TMEM9: variants seen among roughly 807,000 people sequenced by gnomAD.
TMEM9 encodes transmembrane protein 9.
A neutral mutation model predicts 22.8 loss-of-function variants in TMEM9; 13 were observed. That is an observed-to-expected ratio of 0.57 (90% confidence interval 0.37 to 0.91). The LOEUF (loss-of-function observed/expected upper bound fraction) is 0.91, where lower values mean the gene tolerates loss of function less well. Ranked by LOEUF, TMEM9 falls within the 40% of genes least tolerant of loss-of-function variation. The probability of loss-of-function intolerance (pLI) is 0.01; values close to 1 mark genes in which losing one functional copy is unlikely to be tolerated. For synonymous variants in TMEM9, 88 were observed against 93.0 expected, an observed-to-expected ratio of 0.95 and a Z score of 0.31; for missense variants, 182 against 238.1, an observed-to-expected ratio of 0.76 and a Z score of 1.55.
At chr1:201,151,210 C>T (rs1665403188) in intron 2 of TMEM9, among the ~76,000 whole-genome samples, 1 of 152,196 alleles carries the variant, frequency 6.6e-6, no homozygotes, top group African/African-American at 2.4e-5. Context: ...CTAAAACTTC[C>T]CTTCACCGCA....
chr1:201,156,821 C>G (rs1269324962), upstream of TMEM9, among the ~76,000 whole-genome samples: 1 of 152,186 alleles, frequency 6.6e-6, no homozygotes, highest in South Asian at 2.1e-4. Flanking sequence ...GAGCCAAACT[C>G]CAGGGCTCAC....
chr1:201,154,897 C>A (rs1665734808), upstream of TMEM9, among the ~76,000 whole-genome samples: 1 of 152,154 alleles, frequency 6.6e-6, no homozygotes, highest in African/African-American at 2.4e-5. Flanking sequence ...TGCGCGGCAA[C>A]GTCTCTACCC....
At chr1:201,157,515 T>G (rs550303605), upstream of TMEM9, among the ~76,000 whole-genome samples, 1 of 152,356 alleles carries the variant, frequency 6.6e-6, no homozygotes, top group South Asian at 2.1e-4. Context: ...TAGGGCTGCT[T>G]CTTATTAGAA....
In TMEM9 at chr1:201,166,313, A is replaced by G. The variant is rs572415031; in HGVS notation, c.-37+5177T>C. On this transcript the variant is annotated intron_variant, in intron 1 of 5. Coordinates refer to the TMEM9 transcript ENST00000367333. ...CACGATACTGTGTATGAGCTTCACA[A>G]TCTTTTTCCAAGTCCATCTAGTATT... is the stretch of plus-strand genomic sequence containing the variant. Among the ~76,000 whole-genome samples the G allele has an allele frequency of 2.0e-5, 3 of 151,646 alleles. No individual in the cohort carries two copies. In the East Asian group the frequency reaches 5.8e-4, roughly 29 times the overall value.
chr1:201,164,229 G>A (rs1038024541), intron 1 of TMEM9, among the ~76,000 whole-genome samples: 18 of 152,216 alleles, frequency 1.2e-4, no homozygotes, highest in African/African-American at 3.9e-4. Flanking sequence ...GTTAATGAGC[G>A]GGTGGAGGTG....
chr1:201,159,425 G>A (rs1233718597), upstream of TMEM9, among the ~76,000 whole-genome samples: 3 of 151,958 alleles, frequency 2.0e-5, no homozygotes, highest in Non-Finnish European at 4.4e-5. Flanking sequence ...TTTTCTAGCT[G>A]GGCAAGGCCC....
intron 1 of TMEM9, among the ~76,000 whole-genome samples, chr1:201,160,609 T>C (rs1014801383): frequency 7.9e-6 from 1 of 127,204 alleles, no homozygotes; most frequent in African/African-American, 2.8e-5. Flanking sequence ...ATATTGAGGT[T>C]ATACTGGGGA....
rs376137963 is a variant in TMEM9 at position 201,135,779 on chromosome 1, C to A, written c.436G>T (p.Gly146Trp). ...AGGACTGTGTTTGCTCGGGGTCCCCCGAGGGATGCAGCAGCTGCTGCCATA... is the reference window on the plus strand; with the variant it reads ...AGGACTGTGTTTGCTCGGGGTCCCCAGAGGGATGCAGCAGCTGCTGCCATA... ...RSMAAAAASL[G>W]GPRANTVLER... is the part of the protein sequence containing the mutation. Residue 146 changes from glycine to tryptophan, a missense_variant, in exon 5 of 5, where the codon GGG (glycine) becomes TGG (tryptophan). Transcript: ENST00000367330. 6.2e-7 allele frequency: 1 copy of A among 1,612,004 alleles called. No homozygotes were observed.
chr1:201,150,072 A>C (rs1156905508), intron 2 of TMEM9, among the ~76,000 whole-genome samples: 2 of 152,342 alleles, frequency 1.3e-5, no homozygotes, highest in African/African-American at 4.8e-5. Flanking sequence ...GCAGGCATCC[A>C]ACCTTGGGTT....
chr1:201,143,006 C>T (rs1664661814), intron 4 of TMEM9, among the ~76,000 whole-genome samples: 1 of 152,248 alleles, frequency 6.6e-6, no homozygotes, highest in Non-Finnish European at 1.5e-5. Context: ...CCCGGGTTTC[C>T]TCGCCATGGT....
intron 2 of TMEM9, among the ~76,000 whole-genome samples, chr1:201,151,038 C>A (rs1665385166): frequency 6.6e-6 from 1 of 152,260 alleles, no homozygotes; most frequent in East Asian, 1.9e-4. Context: ...CAACTCTACA[C>A]CAAGAAACCC....
rs1665668330 is a variant in TMEM9, at chr1:201,154,212, A to G, written c.-289T>C. ...TGCCAGGGGCCTCCAGTTCCTTCTC[A>G]AGGCCCGGCTCTGACCCGCGCATCA... is the stretch of plus-strand genomic sequence containing the variant. On this transcript the variant is annotated 5_prime_UTR_variant, in exon 1 of 5. Transcript: ENST00000367330. 1 of 365,728 alleles carries G rather than the reference A, an allele frequency of 2.7e-6. No individual in the cohort carries two copies. Among genetic ancestry groups the G allele is most frequent in the South Asian group, 3.4e-5 (1 of 29,600 alleles). 22.7% of individuals were successfully genotyped at this position (365,728 alleles called of 1,614,324 possible). A position where few individuals can be genotyped will look rare whatever the true frequency, so the allele number is the denominator to read the frequency against.
chr1:201,160,493 G>A (rs1665912796), intron 1 of TMEM9, among the ~76,000 whole-genome samples: 1 of 152,246 alleles, frequency 6.6e-6, no homozygotes, highest in Non-Finnish European at 1.5e-5. Flanking sequence ...GGAGGCTGAG[G>A]CAAGAGAATC....
At chr1:201,153,566 G>A (rs891115502) in intron 1 of TMEM9, among the ~76,000 whole-genome samples, 2 of 152,142 alleles carry the variant, frequency 1.3e-5, no homozygotes, top group Admixed American at 1.3e-4. Flanking sequence ...GCAAAGGAAG[G>A]TATGGAGAAC....
chr1:201,158,857 G>A (rs1227301487), upstream of TMEM9, among the ~76,000 whole-genome samples: 1 of 152,152 alleles, frequency 6.6e-6, no homozygotes, highest in Non-Finnish European at 1.5e-5. Flanking sequence ...TATGAGGCGA[G>A]GTCTTGGCAT....
Position 201,135,393 on chromosome 1 carries a change from C to T in TMEM9, c.*270G>A, listed in dbSNP as rs866056319. ...ATCGCATCCACTCCTGAGGCCGCCT[C>T]GAATGTCTCCATTCCCTTCTGGCCT... On this transcript the variant is annotated 3_prime_UTR_variant, in exon 5 of 5. Transcript: ENST00000367330. 6 of 316,480 alleles carry T rather than the reference C, an allele frequency of 1.9e-5. No homozygotes were observed. Among genetic ancestry groups the T allele is most frequent in the South Asian group, 1.0e-4 (1 of 9,906 alleles). The allele number at this position is 316,480 out of a possible 1,614,324, so 19.6% of individuals were successfully genotyped here.
chr1:201,138,488 G>A (rs1664206102), intron 4 of TMEM9, among the ~76,000 whole-genome samples: 1 of 152,180 alleles, frequency 6.6e-6, no homozygotes, highest in African/African-American at 2.4e-5. Flanking sequence ...TGGGAGAAAT[G>A]CCACCAGTTC....
chr1:201,138,454 TGCA>T (rs991122100), intron 4 of TMEM9, among the ~76,000 whole-genome samples: 25 of 152,230 alleles, frequency 1.6e-4, no homozygotes, highest in African/African-American at 5.3e-4. Flanking sequence ...TTGCTTGCTC[TGCA>T]GCAAGTATGG....
intron 2 of TMEM9, among the ~76,000 whole-genome samples, chr1:201,149,404 C>T (rs1421327190): frequency 2.6e-5 from 4 of 152,134 alleles, no homozygotes; most frequent in Admixed American, 1.3e-4. Context: ...GTTTCCAAAA[C>T]GGATTTTGTT....
Sources: allele counts gnomAD v4.1 joint callset (sites outside exome capture counted in the v4.1 genomes callset), GRCh38; gene constraint gnomAD v4.1.1; transcripts MANE v1.5; gene names NCBI Gene and HGNC (gene_info 2026-07-23, HGNC 2026-07-21).